PROZ: variants seen among roughly 807,000 people sequenced by gnomAD.
PROZ encodes vitamin K-dependent protein Z.
In PROZ, 46 loss-of-function variants were observed where a neutral mutation model predicts 34.9. That is an observed-to-expected ratio of 1.32 (90% CI 1.04 to 1.69). The LOEUF (loss-of-function observed/expected upper bound fraction) is 1.69, where lower values mean the gene tolerates loss of function less well. Among genes scored for constraint, PROZ ranks in the 40% most tolerant of loss-of-function variants. The probability of loss-of-function intolerance (pLI) is 0.00; values close to 1 mark genes in which losing one functional copy is unlikely to be tolerated. For synonymous variants in PROZ, 195 were observed against 208.5 expected, an observed-to-expected ratio of 0.94 and a Z score of 0.56; for missense variants, 530 against 520.4, an observed-to-expected ratio of 1.02 and a Z score of -0.18.
chr13:113,170,223 A>G (rs1181117019), intron 6 of PROZ, among the ~76,000 whole-genome samples, 190 bp from the exon 7 acceptor site: 1 of 144,978 alleles, frequency 6.9e-6, no homozygotes, highest in Non-Finnish European at 1.5e-5. Context: ...AAAAGCTTAG[A>G]CTGTCAACAA....
intron 6 of PROZ, among the ~76,000 whole-genome samples, chr13:113,168,540 C>G (rs559087343): frequency 5.9e-5 from 9 of 152,376 alleles, no homozygotes; most frequent in African/African-American, 1.9e-4. Context: ...CTGTTCCTCA[C>G]ATGTCCTTAC....
rs1459658276 is a variant in PROZ, at chr13:113,172,199, A to G, written c.*94A>G. The G allele has an allele frequency of 2.6e-6, 4 of 1,514,294 alleles. No individual in the cohort carries two copies. The South Asian group carries it at 3.5e-5, about 13-fold the overall frequency. The allele number at this position is 1,514,294 out of a possible 1,614,324, so 93.8% of individuals were successfully genotyped here. ...GGAGGGCGCTGAAACTTCATCACAC[A>G]CTGAGAGGCCGTCACAGCCCCAGAC... On this transcript the variant is annotated 3_prime_UTR_variant, in exon 8 of 8. Transcript: ENST00000375547.
intron 4 of PROZ, 129 bp downstream of exon 4, chr13:113,163,251 G>T (rs2036800432): frequency 1.3e-6 from 1 of 794,512 alleles, no homozygotes; most frequent in Non-Finnish European, 2.1e-6. Flanking sequence ...CCGCGATTTG[G>T]CTCACCCCAG....
chr13:113,170,337 C>T, intron 6 of PROZ, 76 bp from the exon 7 acceptor site: 2 of 890,812 alleles, frequency 2.2e-6, no homozygotes, highest in Non-Finnish European at 3.8e-6. Context: ...GGTCCATATC[C>T]CTATCCAGTA....
Position 113,165,087 on chromosome 13 carries a change from G to A in PROZ, c.540G>A (p.Lys180=). ...QCACGVLTSE[K]RAPDLQDLPW... ...CCTGCGGGGTGCTGACCTCTGAGAA[G>A]CGTGCACCGGATCTACAGGACCTCC... is the stretch of plus-strand genomic sequence containing the variant. Residue 180 remains lysine (K), a synonymous_variant, in exon 6 of 8, where the codon AAG becomes AAA. Coordinates refer to ENST00000375547, the MANE Select transcript of PROZ (RefSeq NM_003891.3). 1 of 1,612,878 alleles carries A rather than the reference G, an allele frequency of 6.2e-7. No homozygotes were observed. The highest frequency in any genetic ancestry group is 8.5e-7 in the Non-Finnish European group (1 of 1,180,016).
At position 113,158,943 on chromosome 13, in the gene PROZ, T is replaced by C. The variant is rs12874013; in HGVS notation, c.70+213T>C. Among the ~76,000 whole-genome samples the C allele has an allele frequency of 1.4e-5, 2 of 146,296 alleles. No individual in the cohort carries two copies. Among genetic ancestry groups the C allele is most frequent in the Non-Finnish European group, 3.0e-5 (2 of 66,842 alleles). ...TGTCACTTGGGGTCCTCCCAAGAGATGCCCAAATGGAAAGAAGCCTGTGTG... is the reference window on the plus strand; with the variant it reads ...TGTCACTTGGGGTCCTCCCAAGAGACGCCCAAATGGAAAGAAGCCTGTGTG... On this transcript the variant is annotated intron_variant, in intron 1 of 7. Coordinates refer to ENST00000375547, the MANE Select transcript of PROZ (RefSeq NM_003891.3). The surrounding 1 kb of genome is among the most constrained non-coding windows in gnomAD (Gnocchi z 4.3).
intron 6 of PROZ, among the ~76,000 whole-genome samples, chr13:113,170,021 C>T (rs1316226890): frequency 6.6e-6 from 1 of 152,182 alleles, no homozygotes; most frequent in Non-Finnish European, 1.5e-5. Context: ...TGAGATGCCC[C>T]GTCCTGCTCT....
chr13:113,166,920 G>C (rs2036953856), intron 6 of PROZ, among the ~76,000 whole-genome samples: 1 of 152,184 alleles, frequency 6.6e-6, no homozygotes, highest in African/African-American at 2.4e-5. Flanking sequence ...AAGGCTAAGA[G>C]CCATATAACC....
At chr13:113,169,844 C>G (rs2037056584) in intron 6 of PROZ, among the ~76,000 whole-genome samples, 1 of 152,248 alleles carries the variant, frequency 6.6e-6, no homozygotes, top group South Asian at 2.1e-4. Flanking sequence ...CACCACTGCT[C>G]TGCTGAAAAC....
intron 3 of PROZ, 92 bp downstream of exon 3, chr13:113,161,064 G>T: frequency 1.7e-6 from 2 of 1,152,792 alleles, no homozygotes; most frequent in South Asian, 2.5e-5. Flanking sequence ...CCAGCTCAGC[G>T]GATGCCAAGC....
chr13:113,169,999 C>T (rs2037061293), intron 6 of PROZ, among the ~76,000 whole-genome samples: 1 of 152,186 alleles, frequency 6.6e-6, no homozygotes, highest in South Asian at 2.1e-4. Flanking sequence ...AGGGAGTCAG[C>T]AGGGCTCCAA....
rs2036710027 is a variant in PROZ at position 113,158,955 on chromosome 13, A to T, written c.70+225A>T. Among the ~76,000 whole-genome samples, 1 of 150,730 alleles carries T rather than the reference A, an allele frequency of 6.6e-6. No homozygotes were observed. The highest frequency in any genetic ancestry group is 2.1e-4 in the South Asian group (1 of 4,724). ...TCCTCCCAAGAGATGCCCAAATGGA[A>T]AGAAGCCTGTGTGCAGGGGATTCAG... On this transcript the variant is annotated intron_variant, in intron 1 of 7. Transcript: ENST00000375547. The surrounding 1 kb of genome is among the most constrained non-coding windows in gnomAD (Gnocchi z 4.3).
chr13:113,163,594 G>C (rs60857163), intron 4 of PROZ, among the ~76,000 whole-genome samples: 215 of 152,290 alleles, frequency 1.4e-3, no homozygotes, highest in African/African-American at 4.9e-3. Context: ...TCAACTTGGA[G>C]CCCGTTTCTC....
chr13:113,163,235 T>A, intron 4 of PROZ, 113 bp downstream of exon 4: 1 of 912,630 alleles, frequency 1.1e-6, no homozygotes, highest in Non-Finnish European at 1.7e-6. Flanking sequence ...AAGGTGCCTG[T>A]GTGAACCGCG....
intron 3 of PROZ, among the ~76,000 whole-genome samples, chr13:113,161,679 C>T (rs925873428): frequency 1.7e-4 from 26 of 152,048 alleles, no homozygotes; most frequent in Admixed American, 1.2e-3. Flanking sequence ...ACATCCGGAG[C>T]GGGGAGCGTC....
rs1477414736 is a variant in PROZ at position 113,159,193 on chromosome 13, C to T, written c.70+463C>T. 1.3e-6 allele frequency: 2 copies of T among 1,532,736 alleles called. No individual in the cohort carries two copies. The highest frequency in any genetic ancestry group is 2.0e-5 in the Admixed American group (1 of 50,982). 94.9% of individuals were successfully genotyped at this position (1,532,736 alleles called of 1,614,324 possible). The stretch of plus-strand genomic sequence containing the variant: ...CCCTGCCTGCCTGCCACCCTTCTAC[C>T]ACCAGCCACTTCACTGAAGGAACGA... On this transcript the variant is annotated intron_variant, in intron 1 of 7. Coordinates refer to ENST00000375547, the MANE Select transcript of PROZ (RefSeq NM_003891.3). This position sits in a 1 kb window ranked among gnomAD's most constrained non-coding sequence, Gnocchi z 4.6.
intron 4 of PROZ, among the ~76,000 whole-genome samples, chr13:113,164,045 G>C (rs767766015): frequency 5.3e-5 from 8 of 150,898 alleles, no homozygotes; most frequent in African/African-American, 9.8e-5. Flanking sequence ...GTGACGCGAT[G>C]TCAGCTCACT....
chr13:113,166,335 G>A (rs1449414310), intron 6 of PROZ: 1 of 152,232 alleles, frequency 6.6e-6, no homozygotes, highest in African/African-American at 2.4e-5. Flanking sequence ...AATCTGGTGT[G>A]AATTTACACT....
At chr13:113,163,176 C>G (rs1439379981) in intron 4 of PROZ, 54 bp downstream of exon 4, 1 of 1,414,872 alleles carries the variant, frequency 7.1e-7, no homozygotes, top group Non-Finnish European at 9.8e-7. Flanking sequence ...AGGTGGGCCT[C>G]ACATCCTCGG....
Sources: gnomAD v4.1 joint callset for allele counts (sites outside exome capture counted in the v4.1 genomes callset) on GRCh38, gnomAD v4.1.1 for gene constraint, Gnocchi (gnomAD v3.1) non-coding constraint, MANE v1.5 for transcripts, NCBI Gene and HGNC (gene_info 2026-07-23, HGNC 2026-07-21) for gene names.